The following COL28A1 variants were observed in gnomAD, a reference collection of about 807,000 sequenced individuals.
COL28A1 encodes collagen type XXVIII alpha 1 chain.
A neutral mutation model predicts 150.2 loss-of-function variants in COL28A1; 161 were observed. The ratio of observed to expected loss-of-function variants is 1.07; its 90% confidence interval spans 0.94 to 1.22. The LOEUF is 1.22. COL28A1 is among the 50% of genes most tolerant of loss of function. The pLI is 0.00. For missense variants in COL28A1, 1,617 were observed against 1,388.3 expected (o/e 1.16, Z -2.62); for synonymous variants, 552 against 469.7 (o/e 1.18, Z -2.26).
intron 13 of COL28A1, among the ~76,000 whole-genome samples, chr7:7,479,628 A>G (rs890106920): frequency 6.6e-6 from 1 of 152,222 alleles, no homozygotes; most frequent in Non-Finnish European, 1.5e-5. Context: ...TTTATATGCA[A>G]ATTGAAATCT....
intron 27 of COL28A1, among the ~76,000 whole-genome samples, chr7:7,385,625 TA>T (rs756743766): frequency 9.9e-5 from 15 of 152,194 alleles, no homozygotes; most frequent in Non-Finnish European, 2.1e-4. Flanking sequence ...CACAATTTCC[TA>T]ATATAGCTAA....
At chr7:7,393,039 T>G (rs182122120) in intron 27 of COL28A1, among the ~76,000 whole-genome samples, 3 of 152,284 alleles carry the variant, frequency 2.0e-5, no homozygotes, top group African/African-American at 7.2e-5. Context: ...TTGTGATCCT[T>G]TGGAGGAGAA....
At chr7:7,355,522 A>T (rs1780326959), downstream of COL28A1, among the ~76,000 whole-genome samples, 1 of 152,156 alleles carries the variant, frequency 6.6e-6, no homozygotes, top group African/African-American at 2.4e-5. Flanking sequence ...AGGTGAGAGG[A>T]TCACTTGAGT....
chr7:7,498,699 A>T (rs1257564271), intron 11 of COL28A1, among the ~76,000 whole-genome samples: 1 of 152,170 alleles, frequency 6.6e-6, no homozygotes, highest in Non-Finnish European at 1.5e-5. Flanking sequence ...TGCTATTGCA[A>T]CTTACTTGAA....
At chr7:7,431,749 GT>G in intron 25 of COL28A1, 1 of 371,890 alleles carries the variant, frequency 2.7e-6, no homozygotes, top group Non-Finnish European at 5.7e-6. Flanking sequence ...GAGGACAGAG[GT>G]GGAACAGAGG....
intron 27 of COL28A1, among the ~76,000 whole-genome samples, chr7:7,409,793 G>A (rs1783682421): frequency 6.6e-6 from 1 of 152,114 alleles, no homozygotes; most frequent in African/African-American, 2.4e-5. Context: ...GGCAGTGTAG[G>A]GAGTGTGGTA....
chr7:7,390,971 A>C (rs1158652122), intron 27 of COL28A1, among the ~76,000 whole-genome samples: 2 of 151,856 alleles, frequency 1.3e-5, no homozygotes, highest in African/African-American at 4.8e-5. Context: ...TTGTGTCTTT[A>C]TCTCCTTCAG....
intron 31 of COL28A1, among the ~76,000 whole-genome samples, chr7:7,375,085 C>G (rs1781471473): frequency 6.6e-6 from 1 of 152,184 alleles, no homozygotes; most frequent in South Asian, 2.1e-4. Flanking sequence ...ATTCTAATCA[C>G]CAGCTAGGCT....
At chr7:7,398,076 A>C (rs951265366) in intron 27 of COL28A1, among the ~76,000 whole-genome samples, 1 of 152,198 alleles carries the variant, frequency 6.6e-6, no homozygotes, top group Non-Finnish European at 1.5e-5. Context: ...ACAGGGTAGA[A>C]TTCTGTGTTC....
intron 3 of COL28A1, among the ~76,000 whole-genome samples, 179 bp downstream of exon 3, chr7:7,531,169 T>G (rs539713582): frequency 1.3e-5 from 2 of 152,186 alleles, no homozygotes; most frequent in Non-Finnish European, 2.9e-5. Context: ...CTTTTCCAGA[T>G]TGTCTGGAGT....
Position 7,375,512 on chromosome 7 carries a change from G to T in COL28A1, c.2323-15C>A, listed in dbSNP as rs756499255. The T allele has an allele frequency of 6.7e-7, 1 of 1,486,906 alleles. No individual in the cohort carries two copies. The highest frequency in any genetic ancestry group is 1.2e-5 in the South Asian group (1 of 84,634). The allele number at this position is 1,486,906 out of a possible 1,614,324, so 92.1% of individuals were successfully genotyped here. On this transcript the variant is annotated splice_polypyrimidine_tract_variant and intron_variant, in intron 30 of 34. Transcript: ENST00000399429. ...ATTTCTTCTTTCTAGGGGATAAAAA[G>T]AAAAATGTATTACTATATGTATGAC...
At chr7:7,520,916 C>A (rs1238796547) in intron 5 of COL28A1, among the ~76,000 whole-genome samples, 1 of 152,152 alleles carries the variant, frequency 6.6e-6, no homozygotes, top group African/African-American at 2.4e-5. Context: ...CTACTGGCTG[C>A]CCCACTATCA....
chr7:7,451,754 G>A (rs17459283), intron 18 of COL28A1, among the ~76,000 whole-genome samples: 3,800 of 152,090 alleles, frequency 0.025, 71 homozygotes, highest in South Asian at 0.043. Flanking sequence ...TGTAGCACAT[G>A]GAAACCATGT....
At chr7:7,480,758 C>T (rs1789324354) in intron 13 of COL28A1, among the ~76,000 whole-genome samples, 1 of 152,168 alleles carries the variant, frequency 6.6e-6, no homozygotes, top group Non-Finnish European at 1.5e-5. Context: ...GACAAAACTG[C>T]TCCCTGTCTC....
intron 15 of COL28A1, among the ~76,000 whole-genome samples, chr7:7,464,030 A>G (rs1787852907): frequency 6.6e-6 from 1 of 152,224 alleles, no homozygotes; most frequent in African/African-American, 2.4e-5. Context: ...CAGACAAAAC[A>G]AACTTTAAAG....
intron 27 of COL28A1, among the ~76,000 whole-genome samples, chr7:7,393,055 G>A (rs749759663): frequency 9.2e-5 from 14 of 151,870 alleles, no homozygotes; most frequent in Non-Finnish European, 1.8e-4. Context: ...GAGAAGAGGC[G>A]TTCTGGCTTT....
chr7:7,520,490 G>A (rs953918571), intron 5 of COL28A1, among the ~76,000 whole-genome samples: 3 of 152,158 alleles, frequency 2.0e-5, no homozygotes, highest in East Asian at 1.9e-4. Context: ...TCACTTCTAC[G>A]ATTCCCTCTG....
intron 15 of COL28A1, 74 bp from the exon 16 acceptor site, chr7:7,456,186 T>A: frequency 1.3e-6 from 2 of 1,531,866 alleles, no homozygotes; most frequent in South Asian, 1.3e-5. Flanking sequence ...TAACCTGGAA[T>A]TGGGCTGTGT....
chr7:7,370,673 C>A (rs1781180698), intron 33 of COL28A1, 52 bp downstream of exon 33: 3 of 1,465,600 alleles, frequency 2.0e-6, no homozygotes, highest in Non-Finnish European at 2.8e-6. Context: ...TGATATGAAA[C>A]AGAGAGAATA....
Sources: allele counts gnomAD v4.1 joint callset (sites outside exome capture counted in the v4.1 genomes callset), GRCh38; gene constraint gnomAD v4.1.1; transcripts MANE v1.5; gene names NCBI Gene and HGNC (gene_info 2026-07-23, HGNC 2026-07-21).